PCMT1: variants seen among roughly 807,000 people sequenced by gnomAD.
The protein encoded by PCMT1 is protein-L-isoaspartate (D-aspartate) O-methyltransferase.
In PCMT1, 9 loss-of-function variants were observed where a neutral mutation model predicts 29.2. The observed-to-expected ratio is 0.31, with a 90% CI of 0.19 to 0.54. The LOEUF (loss-of-function observed/expected upper bound fraction) is 0.54, where lower values mean the gene tolerates loss of function less well. Ranked by LOEUF, PCMT1 falls within the 20% of genes least tolerant of loss-of-function variation. The probability of loss-of-function intolerance (pLI) is 0.95; values close to 1 mark genes in which losing one functional copy is unlikely to be tolerated. For missense variants in PCMT1, 184 were observed against 282.2 expected (o/e 0.65, Z 2.49); for synonymous variants, 98 against 97.5 (o/e 1.00, Z -0.03).
chr6:149,786,464 C>T (rs1271050278), intron 3 of PCMT1, among the ~76,000 whole-genome samples: 3 of 142,624 alleles, frequency 2.1e-5, no homozygotes, highest in African/African-American at 5.5e-5. Context: ...CGGAGACGCT[C>T]CTCACTTCCC....
intron 1 of PCMT1, among the ~76,000 whole-genome samples, chr6:149,756,247 C>T (rs1435135986): frequency 6.6e-6 from 1 of 150,654 alleles, no homozygotes; most frequent in Non-Finnish European, 1.5e-5. Context: ...GTTTTTATAT[C>T]CTAAAAGCAT....
chr6:149,767,047 A>G (rs1787114076), intron 1 of PCMT1, among the ~76,000 whole-genome samples: 1 of 152,016 alleles, frequency 6.6e-6, no homozygotes, highest in Non-Finnish European at 1.5e-5. Context: ...TGTCTCTGCT[A>G]AAAATACCAA....
Position 149,793,613 on chromosome 6 carries a change from A to G in PCMT1, c.362A>G (p.Asn121Ser), listed in dbSNP as rs906256217. ...HIKELVDDSV[N>S]NVRKDDPTLL... Reference sequence around the variant, plus strand: ...AAAGAGCTAGTAGATGACTCAGTAAATAATGTCAGGAAGGACGATCCAACA... The same window carrying G: ...AAAGAGCTAGTAGATGACTCAGTAAGTAATGTCAGGAAGGACGATCCAACA... The change falls in exon 5 of 8, where the codon AAT becomes AGT. Residue 121 changes from asparagine to serine, a missense_variant. Asn to Ser is a conservative substitution (Grantham distance 46). Transcript: ENST00000464889. The G allele has an allele frequency of 6.4e-6, 10 of 1,571,042 alleles. No individual in the cohort carries two copies. The African/African-American group carries it at 7.0e-5, about 11-fold the overall frequency.
chr6:149,795,508 A>G (rs1788568095), intron 5 of PCMT1: 1 of 424,572 alleles, frequency 2.4e-6, no homozygotes, highest in South Asian at 2.2e-5. Context: ...TTTCTACTGC[A>G]CAGCCAAATA....
intron 2 of PCMT1, chr6:149,772,395 C>G (rs1286100341): frequency 6.3e-6 from 2 of 318,568 alleles, no homozygotes; most frequent in East Asian, 8.4e-5. Context: ...TTCAGTTATT[C>G]TAGTTTTTTT....
chr6:149,787,951 C>T (rs1167498150), intron 3 of PCMT1, among the ~76,000 whole-genome samples: 1 of 151,940 alleles, frequency 6.6e-6, no homozygotes, highest in African/African-American at 2.4e-5. Flanking sequence ...GCTCTGTCGC[C>T]CAGGCTGGGG....
chr6:149,809,263 A>AAAG (rs1162185012), intron 7 of PCMT1, among the ~76,000 whole-genome samples: 3 of 145,668 alleles, frequency 2.1e-5, no homozygotes, highest in Non-Finnish European at 4.6e-5. Context: ...TGTCTCAAAA[A>AAAG]AAAAAAAAAA....
At chr6:149,793,160 C>G (rs1788443912) in intron 4 of PCMT1, among the ~76,000 whole-genome samples, 1 of 98,718 alleles carries the variant, frequency 1.0e-5, no homozygotes, top group African/African-American at 5.9e-5. Context: ...GAGACTCTCT[C>G]TCAAAAAAAA....
At chr6:149,810,344 A>C (rs1776128701) in intron 7 of PCMT1, among the ~76,000 whole-genome samples, 1 of 152,204 alleles carries the variant, frequency 6.6e-6, no homozygotes, top group Non-Finnish European at 1.5e-5. Flanking sequence ...CTGAATTTTG[A>C]CATTGAAGGA....
intron 3 of PCMT1, among the ~76,000 whole-genome samples, chr6:149,782,120 A>T (rs1583033135): frequency 6.6e-6 from 1 of 152,222 alleles, no homozygotes; most frequent in Admixed American, 6.5e-5. Flanking sequence ...TATGACTGTT[A>T]ATAAGGAAAA....
chr6:149,771,724 C>T (rs934289543), intron 2 of PCMT1, among the ~76,000 whole-genome samples: 4 of 152,012 alleles, frequency 2.6e-5, no homozygotes, highest in African/African-American at 7.3e-5. Context: ...AGCGTGTTGC[C>T]CAAGCTGGTC....
chr6:149,792,366 G>C (rs749996928), intron 4 of PCMT1, among the ~76,000 whole-genome samples: 1 of 152,086 alleles, frequency 6.6e-6, no homozygotes, highest in African/African-American at 2.4e-5. Flanking sequence ...GTATGTAAGT[G>C]ATGACACTTA....
At chr6:149,772,274 C>T in intron 2 of PCMT1, 2 of 337,376 alleles carry the variant, frequency 5.9e-6, no homozygotes, top group South Asian at 4.7e-5. Flanking sequence ...AAAGCAACAC[C>T]ACAAGAAAAG....
chr6:149,769,305 A>ATTGTTTTTTTTTT (rs1234622188), intron 1 of PCMT1, among the ~76,000 whole-genome samples: 1 of 48,126 alleles, frequency 2.1e-5, no homozygotes, highest in Non-Finnish European at 3.3e-5. Context: ...TTTGTGCAGG[A>ATTGTTTTTTTTTT]TTCTTTTTTT....
At chr6:149,782,298 TAGC>T (rs1026162985) in intron 3 of PCMT1, among the ~76,000 whole-genome samples, 1 of 152,136 alleles carries the variant, frequency 6.6e-6, no homozygotes, top group Non-Finnish European at 1.5e-5. Flanking sequence ...GCATAAATCT[TAGC>T]AGTATTATAA....
chr6:149,750,405 A>T (rs1786260146), intron 1 of PCMT1: 4 of 160,482 alleles, frequency 2.5e-5, no homozygotes, highest in African/African-American at 9.6e-5. Flanking sequence ...CTCCATAATC[A>T]ACCTCGCTGC....
At chr6:149,792,487 G>T (rs1378234595) in intron 4 of PCMT1, among the ~76,000 whole-genome samples, 1 of 152,002 alleles carries the variant, frequency 6.6e-6, no homozygotes, top group East Asian at 1.9e-4. Flanking sequence ...AAATAAATAT[G>T]CAAAGAAGGG....
intron 5 of PCMT1, 26 bp from the exon 6 acceptor site, chr6:149,796,389 T>A (rs755434488): frequency 1.3e-6 from 2 of 1,563,078 alleles, no homozygotes; most frequent in Non-Finnish European, 1.8e-6. Context: ...AAACAGGTTT[T>A]TAAAGCATAG....
intron 3 of PCMT1, among the ~76,000 whole-genome samples, chr6:149,779,221 C>A (rs1415250328): frequency 6.8e-6 from 1 of 146,318 alleles, no homozygotes; most frequent in Admixed American, 7.3e-5. Flanking sequence ...GCAATTGCTA[C>A]AAAAGCATGT....
Sources: allele counts gnomAD v4.1 joint callset (sites outside exome capture counted in the v4.1 genomes callset), GRCh38; gene constraint gnomAD v4.1.1; transcripts MANE v1.5; gene names NCBI Gene and HGNC (gene_info 2026-07-23, HGNC 2026-07-21).